The following KHDRBS2 variants were observed in gnomAD, a reference collection of about 807,000 sequenced individuals.
The protein encoded by KHDRBS2 is KH domain-containing, RNA-binding, signal transduction-associated protein 2.
Under a neutral mutation model 44.3 loss-of-function variants are expected in KHDRBS2, and 26 were observed. The observed-to-expected ratio is 0.59, with a 90% confidence interval of 0.43 to 0.81. The LOEUF (loss-of-function observed/expected upper bound fraction) is 0.81. Among genes scored for constraint, KHDRBS2 ranks in the 40% least tolerant of loss-of-function variants. The probability of loss-of-function intolerance (pLI) is 0.00; values close to 1 mark genes in which losing one functional copy is unlikely to be tolerated. For synonymous variants in KHDRBS2, 194 were observed against 151.1 expected, an observed-to-expected ratio of 1.28 and a Z score of -2.08; for missense variants, 476 against 433.1, an observed-to-expected ratio of 1.10 and a Z score of -0.88.
intron 6 of KHDRBS2, among the ~76,000 whole-genome samples, chr6:61,820,217 A>T (rs958909436): frequency 1.3e-5 from 2 of 152,020 alleles, no homozygotes; most frequent in Non-Finnish European, 2.9e-5. Context: ...GACATTGAAG[A>T]TCCATTAGAT....
intron 2 of KHDRBS2, among the ~76,000 whole-genome samples, chr6:62,068,599 T>A (rs1423072936): frequency 1.3e-5 from 2 of 151,636 alleles, no homozygotes; most frequent in Non-Finnish European, 3.0e-5. Context: ...TTTACTCCTA[T>A]GATTTCCTAC....
chr6:62,212,844 T>C (rs1328061350), intron 1 of KHDRBS2, among the ~76,000 whole-genome samples: 1 of 152,064 alleles, frequency 6.6e-6, no homozygotes, highest in Non-Finnish European at 1.5e-5. Flanking sequence ...TTTTGGTAGT[T>C]AGTTAAGGCA....
the KHDRBS2 span, among the ~76,000 whole-genome samples, chr6:61,661,026 T>C: frequency 6.6e-6 from 1 of 151,890 alleles, no homozygotes; most frequent in Non-Finnish European, 1.5e-5. Context: ...CCTCATGTTC[T>C]GATGAATAAG....
intron 6 of KHDRBS2, among the ~76,000 whole-genome samples, chr6:61,761,644 T>C (rs1264010145): frequency 6.6e-6 from 1 of 152,156 alleles, no homozygotes; most frequent in Non-Finnish European, 1.5e-5. Flanking sequence ...AATATATACA[T>C]ATGTACTAAA....
intron 1 of KHDRBS2, among the ~76,000 whole-genome samples, chr6:62,213,873 CAAAAAAAAAA>C (rs67482871): frequency 7.2e-5 from 3 of 41,504 alleles, no homozygotes; most frequent in Non-Finnish European, 1.2e-4. Context: ...GACTCCATCT[CAAAAAAAAAA>C]AAAAAAAAAA....
At chr6:61,954,824 ACACATG>A (rs1290525878) in intron 4 of KHDRBS2, among the ~76,000 whole-genome samples, 2 of 106,902 alleles carry the variant, frequency 1.9e-5, no homozygotes, top group Non-Finnish European at 3.8e-5. Flanking sequence ...ATGTGTATAT[ACACATG>A]CATATGTATG....
chr6:61,683,320 C>T (rs2127538658), intron 8 of KHDRBS2, among the ~76,000 whole-genome samples: 1 of 151,986 alleles, frequency 6.6e-6, no homozygotes, highest in East Asian at 2.0e-4. Flanking sequence ...CTTCAGTTGA[C>T]TTTTTCTAAA....
intron 6 of KHDRBS2, among the ~76,000 whole-genome samples, chr6:61,868,321 T>A (rs1798079466): frequency 6.6e-6 from 1 of 151,998 alleles, no homozygotes; most frequent in Non-Finnish European, 1.5e-5. Context: ...ACAGCAAAGG[T>A]GGCAGACCTC....
At chr6:61,594,780 C>T in the KHDRBS2 span, among the ~76,000 whole-genome samples, 1 of 151,982 alleles carries the variant, frequency 6.6e-6, no homozygotes, top group African/African-American at 2.4e-5. Flanking sequence ...TCTGTAACAT[C>T]CCAAAGTAAG....
chr6:62,109,103 A>AG (rs1277356694), intron 2 of KHDRBS2, among the ~76,000 whole-genome samples: 1 of 151,338 alleles, frequency 6.6e-6, no homozygotes, highest in Non-Finnish European at 1.5e-5. Context: ...ATAATAATAA[A>AG]AAAAAAAAAG....
chr6:62,226,037 C>T (rs976490367), intron 1 of KHDRBS2, among the ~76,000 whole-genome samples: 2 of 152,062 alleles, frequency 1.3e-5, no homozygotes, highest in Admixed American at 6.6e-5. Flanking sequence ...ACTTATAATC[C>T]TTTGGGTATA....
At chr6:62,044,042 GAAGT>G (rs1584330499) in intron 3 of KHDRBS2, among the ~76,000 whole-genome samples, 2 of 152,060 alleles carry the variant, frequency 1.3e-5, no homozygotes. Flanking sequence ...ATCTATTCTT[GAAGT>G]AATAGTAGAT....
intron 6 of KHDRBS2, among the ~76,000 whole-genome samples, chr6:61,875,514 A>G (rs1418052627): frequency 6.6e-6 from 1 of 152,172 alleles, no homozygotes; most frequent in Non-Finnish European, 1.5e-5. Flanking sequence ...CTACACTGTC[A>G]GGACTGATTC....
chr6:61,776,445 G>GA (rs1256309202), intron 6 of KHDRBS2, among the ~76,000 whole-genome samples: 2 of 151,144 alleles, frequency 1.3e-5, no homozygotes, highest in Non-Finnish European at 3.0e-5. Flanking sequence ...AAATTTACAA[G>GA]AAAAAAACAA....
intron 1 of KHDRBS2, among the ~76,000 whole-genome samples, chr6:62,222,735 G>A (rs1240258252): frequency 6.6e-6 from 1 of 152,100 alleles, no homozygotes; most frequent in Non-Finnish European, 1.5e-5. Context: ...AAAACAAAGG[G>A]GTTACAGGCC....
chr6:61,649,966 G>T, the KHDRBS2 span, among the ~76,000 whole-genome samples: 1 of 152,050 alleles, frequency 6.6e-6, no homozygotes, highest in Non-Finnish European at 1.5e-5. Context: ...TCCACCCTGA[G>T]AATATGCAAA....
intron 1 of KHDRBS2, among the ~76,000 whole-genome samples, chr6:62,281,178 G>A (rs1841743620): frequency 6.6e-6 from 1 of 151,952 alleles, no homozygotes; most frequent in African/African-American, 2.4e-5. Context: ...TTTTTCATAA[G>A]GTAATTTATT....
intron 6 of KHDRBS2, among the ~76,000 whole-genome samples, chr6:61,745,721 A>T (rs184084694): frequency 5.9e-5 from 9 of 152,190 alleles, no homozygotes; most frequent in African/African-American, 1.4e-4. Context: ...CTATATTTCT[A>T]ATCATAGAAA....
chr6:62,145,711 T>C (rs1562954507), intron 2 of KHDRBS2, among the ~76,000 whole-genome samples: 1 of 151,922 alleles, frequency 6.6e-6, no homozygotes, highest in Non-Finnish European at 1.5e-5. Flanking sequence ...CATTGTAATC[T>C]AACACAGATG....
Sources: gnomAD v4.1 joint callset for allele counts (sites outside exome capture counted in the v4.1 genomes callset) on GRCh38, gnomAD v4.1.1 for gene constraint, MANE v1.5 for transcripts, NCBI Gene and HGNC (gene_info 2026-07-23, HGNC 2026-07-21) for gene names.